The following TNS3 variants were observed in gnomAD, a reference collection of about 807,000 sequenced individuals.
TNS3 encodes tensin-3.
TNS3 carries 45 observed loss-of-function variants against 140.9 expected under a neutral mutation model. The ratio of observed to expected loss-of-function variants is 0.32; its 90% CI spans 0.25 to 0.41. TNS3 has a LOEUF of 0.41. Among genes scored for constraint, TNS3 ranks in the 10% least tolerant of loss-of-function variants. TNS3 has a pLI of 1.00. For synonymous variants in TNS3, 815 were observed against 788.4 expected (o/e 1.03, Z -0.56); for missense variants, 1,716 against 1,906.7 (o/e 0.90, Z 1.86).
intron 13 of TNS3, among the ~76,000 whole-genome samples, chr7:47,409,732 A>C (rs1231929237): frequency 5.9e-5 from 9 of 151,838 alleles, no homozygotes; most frequent in Admixed American, 5.9e-4. Flanking sequence ...ATTTTGGCTC[A>C]CTGCAAGCTC....
At chr7:47,437,659 T>G (rs1462382627) in intron 6 of TNS3, among the ~76,000 whole-genome samples, 2 of 150,788 alleles carry the variant, frequency 1.3e-5, no homozygotes, top group Non-Finnish European at 3.0e-5. Flanking sequence ...ATATTCTACT[T>G]CTTCAACTAG....
intron 3 of TNS3, among the ~76,000 whole-genome samples, chr7:47,491,166 C>T (rs1056367507): frequency 6.6e-6 from 1 of 152,200 alleles, no homozygotes; most frequent in Non-Finnish European, 1.5e-5. Flanking sequence ...CGTCCATCTA[C>T]GCTGCGATTC....
chr7:47,521,097 A>C (rs1312552028), intron 2 of TNS3, among the ~76,000 whole-genome samples: 1 of 152,152 alleles, frequency 6.6e-6, no homozygotes, highest in Non-Finnish European at 1.5e-5. Context: ...ATCGCATCAT[A>C]GTAGGGGCAG....
At chr7:47,419,946 G>T (rs1292048979) in intron 10 of TNS3, among the ~76,000 whole-genome samples, 1 of 152,138 alleles carries the variant, frequency 6.6e-6, no homozygotes. Flanking sequence ...GCTGATTTGG[G>T]TAGTAATAAA....
intron 27 of TNS3, among the ~76,000 whole-genome samples, chr7:47,285,367 G>A (rs1315809195): frequency 1.3e-5 from 2 of 152,186 alleles, no homozygotes; most frequent in African/African-American, 2.4e-5. Context: ...GGAGCAACCT[G>A]GTGGGAGGTA....
Position 47,277,621 on chromosome 7 carries a change from A to G in TNS3, c.*455T>C. The G allele has an allele frequency of 4.3e-6, 1 of 234,756 alleles. No homozygotes were observed. The allele number at this position is 234,756 out of a possible 1,614,324, so 14.5% of individuals were successfully genotyped here. ...TCTTGGGAAGACCGAGGTGAGGGAA[A>G]CCCCCGGCCTCGGGTGCAGCTGGAC... On this transcript the variant is annotated 3_prime_UTR_variant, in exon 31 of 31. Transcript: ENST00000311160.
At chr7:47,556,778 C>T (rs1055347823) in intron 1 of TNS3, among the ~76,000 whole-genome samples, 2 of 152,252 alleles carry the variant, frequency 1.3e-5, no homozygotes. Context: ...GCTGCCCGCT[C>T]TCACTGGCTG....
chr7:47,439,658 C>A lies in TNS3; in HGVS notation c.-22G>T, dbSNP rs753414575. ...CCATGGTGGGACTCAGGATGACGGG[C>A]CTGCGAGAGAGCAGTGGGCAGATCA... On this transcript the variant is annotated splice_region_variant and 5_prime_UTR_variant, in exon 6 of 31. Coordinates refer to ENST00000311160, the MANE Select transcript of TNS3 (RefSeq NM_022748.12). 9 of 1,613,552 alleles carry A rather than the reference C, an allele frequency of 5.6e-6. No individual in the cohort carries two copies. Among genetic ancestry groups the A allele is most frequent in the Admixed American group, 5.0e-5 (3 of 59,968 alleles).
intron 2 of TNS3, among the ~76,000 whole-genome samples, chr7:47,526,394 G>T (rs765038996): frequency 3.3e-5 from 5 of 152,218 alleles, no homozygotes; most frequent in Non-Finnish European, 7.3e-5. Context: ...CATCAGCCAT[G>T]TGGAGCTACC....
chr7:47,405,391 A>C, intron 13 of TNS3: 1 of 649,298 alleles, frequency 1.5e-6, no homozygotes, highest in Non-Finnish European at 2.8e-6. Flanking sequence ...GCCTCAAGGA[A>C]TCTGTGAACT....
At chr7:47,463,722 T>G (rs1006861896) in intron 4 of TNS3, among the ~76,000 whole-genome samples, 2 of 152,078 alleles carry the variant, frequency 1.3e-5, no homozygotes, top group African/African-American at 4.8e-5. Context: ...CTTTGCTTTG[T>G]TCAGTGTCAG....
intron 23 of TNS3, among the ~76,000 whole-genome samples, chr7:47,297,658 C>T (rs1378029128): frequency 6.6e-6 from 1 of 152,104 alleles, no homozygotes; most frequent in Non-Finnish European, 1.5e-5. Flanking sequence ...AGGGGAGAAA[C>T]AGGCAGTGGG....
chr7:47,530,163 A>G (rs899290770), intron 1 of TNS3, among the ~76,000 whole-genome samples: 5 of 152,230 alleles, frequency 3.3e-5, no homozygotes, highest in Admixed American at 3.3e-4. Flanking sequence ...TATATGCTAG[A>G]AAGTTAAGTA....
intron 4 of TNS3, among the ~76,000 whole-genome samples, chr7:47,470,148 AACTGAGCAC>A (rs1370412730): frequency 2.0e-5 from 3 of 152,086 alleles, no homozygotes; most frequent in Admixed American, 6.6e-5. Flanking sequence ...CTCACATGGG[AACTGAGCAC>A]ACTGAGCACA....
At chr7:47,349,725 G>A (rs1297568751) in intron 17 of TNS3, among the ~76,000 whole-genome samples, 3 of 152,184 alleles carry the variant, frequency 2.0e-5, no homozygotes, top group South Asian at 2.1e-4. Context: ...AGTTTGAAAC[G>A]CCAGGAAAAA....
At chr7:47,413,251 CTTTTTTTTTTT>C (rs71003398) in intron 12 of TNS3, among the ~76,000 whole-genome samples, 5 of 52,946 alleles carry the variant, frequency 9.4e-5, no homozygotes, top group South Asian at 2.3e-3. Context: ...CAAGCCTGGC[CTTTTTTTTTTT>C]TTTTTTTTTT....
chr7:47,531,594 C>T (rs1257751726), intron 1 of TNS3, among the ~76,000 whole-genome samples: 1 of 152,126 alleles, frequency 6.6e-6, no homozygotes, highest in Admixed American at 6.6e-5. Context: ...ACTGTTTAAA[C>T]AATAGTGTAA....
At chr7:47,365,738 C>T (rs1267412990) in intron 17 of TNS3, among the ~76,000 whole-genome samples, 4 of 151,842 alleles carry the variant, frequency 2.6e-5, no homozygotes, top group South Asian at 2.1e-4. Flanking sequence ...CCAGCTTGGG[C>T]GACAGAGTGA....
rs141445996 is a variant in TNS3 at position 47,392,267 on chromosome 7, C to A, written c.1024+4533G>T. 2.7e-3 allele frequency among the ~76,000 whole-genome samples: 413 copies of A among 152,296 alleles called. 1 individual carries two copies. The highest frequency in any genetic ancestry group is 4.5e-3 in the Non-Finnish European group (307 of 68,026). On this transcript the variant is annotated intron_variant, in intron 16 of 30. Coordinates refer to ENST00000311160, the MANE Select transcript of TNS3 (RefSeq NM_022748.12). Reference sequence around the variant, plus strand: ...GCTCCTCTCTGTGCTGAAGACAGGGCGTTTGTAATCACTTGCCCACATTGG... The same window carrying A: ...GCTCCTCTCTGTGCTGAAGACAGGGAGTTTGTAATCACTTGCCCACATTGG...
Sources: allele counts gnomAD v4.1 joint callset (sites outside exome capture counted in the v4.1 genomes callset), GRCh38; gene constraint gnomAD v4.1.1; transcripts MANE v1.5; gene names NCBI Gene and HGNC (gene_info 2026-07-23, HGNC 2026-07-21).